LRMDA: variants seen among roughly 807,000 people sequenced by gnomAD.
LRMDA encodes leucine rich melanocyte differentiation associated.
A neutral mutation model predicts 29.8 loss-of-function variants in LRMDA; 18 were observed. The ratio of observed to expected loss-of-function variants is 0.60; its 90% CI spans 0.42 to 0.90. The LOEUF (loss-of-function observed/expected upper bound fraction) is 0.90, where lower values mean the gene tolerates loss of function less well. Among genes scored for constraint, LRMDA ranks in the 40% least tolerant of loss-of-function variants. The pLI, the probability that LRMDA is intolerant of heterozygous loss-of-function variation, is 0.00. For synonymous variants in LRMDA, 125 were observed against 109.4 expected, an observed-to-expected ratio of 1.14 and a Z score of -0.89; for missense variants, 273 against 273.9, an observed-to-expected ratio of 1.00 and a Z score of 0.02.
At chr10:75,975,841 G>A (rs76679078) in intron 2 of LRMDA, among the ~76,000 whole-genome samples, 41 of 152,082 alleles carry the variant, frequency 2.7e-4, no homozygotes, top group East Asian at 2.1e-3. Context: ...CTTCACCACC[G>A]TTTCCAATTC....
chr10:75,709,803 C>T (rs1243934212), intron 2 of LRMDA, among the ~76,000 whole-genome samples: 1 of 152,092 alleles, frequency 6.6e-6, no homozygotes, highest in Non-Finnish European at 1.5e-5. Context: ...TTCTTTTGAA[C>T]CCTGTCTCCT....
At chr10:75,620,553 A>T (rs1360373957) in intron 2 of LRMDA, among the ~76,000 whole-genome samples, 1 of 151,960 alleles carries the variant, frequency 6.6e-6, no homozygotes, top group Non-Finnish European at 1.5e-5. Context: ...ATGCCTTGTG[A>T]TCTCACTCCT....
Position 76,476,161 on chromosome 10 carries a change from A to G in LRMDA, c.602-81048A>G, listed in dbSNP as rs769117341. ...AACTGATAGACCGCTAGCAAGACTA[A>G]TAAAGAATAAAAGAGAGAAGAATCA... On this transcript the variant is annotated intron_variant, in intron 6 of 6. Coordinates refer to ENST00000611255, the MANE Select transcript of LRMDA (RefSeq NM_001305581.2). Among the ~76,000 whole-genome samples the G allele has an allele frequency of 3.3e-5, 5 of 152,314 alleles. No homozygotes were observed. In the East Asian group the frequency reaches 7.7e-4, roughly 24 times the overall value.
intron 2 of LRMDA, among the ~76,000 whole-genome samples, chr10:75,460,204 T>C (rs191051018): frequency 6.6e-6 from 1 of 152,346 alleles, no homozygotes; most frequent in East Asian, 1.9e-4. Context: ...TAAATAATTG[T>C]AAGAAGAAGC....
chr10:76,055,219 T>C (rs1419863487), intron 4 of LRMDA, among the ~76,000 whole-genome samples: 1 of 151,340 alleles, frequency 6.6e-6, no homozygotes, highest in African/African-American at 2.4e-5. Context: ...AAAAGGACAA[T>C]AGACTGAGGC....
intron 6 of LRMDA, among the ~76,000 whole-genome samples, chr10:76,339,280 A>T (rs575366054): frequency 6.6e-6 from 1 of 151,806 alleles, no homozygotes; most frequent in South Asian, 2.1e-4. Context: ...CCAAAAAAAA[A>T]AAAAAAAGTA....
chr10:75,473,304 C>A (rs1241879735), intron 2 of LRMDA, among the ~76,000 whole-genome samples: 1 of 152,190 alleles, frequency 6.6e-6, no homozygotes, highest in Non-Finnish European at 1.5e-5. Context: ...AGGATGAAAG[C>A]TCCAGAGGTG....
At chr10:76,053,636 C>T (rs1249272156) in intron 4 of LRMDA, among the ~76,000 whole-genome samples, 2 of 152,154 alleles carry the variant, frequency 1.3e-5, no homozygotes, top group African/African-American at 2.4e-5. Context: ...AGCCCACTGA[C>T]TTATCACTTG....
chr10:75,587,285 A>T (rs1396932766), intron 2 of LRMDA, among the ~76,000 whole-genome samples: 1 of 152,206 alleles, frequency 6.6e-6, no homozygotes, highest in African/African-American at 2.4e-5. Flanking sequence ...AGTGGGTTGA[A>T]AAGGATATTC....
At chr10:75,751,814 A>T (rs540211208) in intron 2 of LRMDA, among the ~76,000 whole-genome samples, 1 of 152,262 alleles carries the variant, frequency 6.6e-6, no homozygotes, top group Admixed American at 6.5e-5. Flanking sequence ...ACTCACAGAG[A>T]GGTAGTACCT....
At chr10:76,042,386 G>A (rs1848355988) in intron 3 of LRMDA, among the ~76,000 whole-genome samples, 1 of 152,206 alleles carries the variant, frequency 6.6e-6, no homozygotes, top group Non-Finnish European at 1.5e-5. Context: ...GATGGCTGAA[G>A]CTTCTTGGAA....
chr10:76,454,287 G>A (rs762247954), intron 6 of LRMDA, among the ~76,000 whole-genome samples: 7 of 152,090 alleles, frequency 4.6e-5, no homozygotes, highest in Non-Finnish European at 7.3e-5. Context: ...CTCTACTGAC[G>A]TGCTAAATGT....
At chr10:76,479,475 G>T (rs540850956) in intron 6 of LRMDA, among the ~76,000 whole-genome samples, 1 of 151,910 alleles carries the variant, frequency 6.6e-6, no homozygotes, top group South Asian at 2.1e-4. Flanking sequence ...ATTTTGGGGG[G>T]TCCTATGAAG....
intron 6 of LRMDA, among the ~76,000 whole-genome samples, chr10:76,450,262 T>G (rs1305546238): frequency 6.6e-6 from 1 of 152,118 alleles, no homozygotes; most frequent in African/African-American, 2.4e-5. Flanking sequence ...ACAAATCGTT[T>G]CATTGTCTTC....
At chr10:75,684,322 C>G (rs1227575389) in intron 2 of LRMDA, among the ~76,000 whole-genome samples, 1 of 152,108 alleles carries the variant, frequency 6.6e-6, no homozygotes, top group Non-Finnish European at 1.5e-5. Context: ...TTCTGGACAC[C>G]TGCTGTGCGT....
rs74889903 is a variant in LRMDA, at chr10:75,623,199, T to C, written c.131+184705T>C. ...TTTATGCTGGATATAATTACTGTTA[T>C]AATGCATTATTATTTTCAGTCCAGC... On this transcript the variant is annotated intron_variant, in intron 2 of 6. Coordinates refer to ENST00000611255, the MANE Select transcript of LRMDA (RefSeq NM_001305581.2). Among the ~76,000 whole-genome samples, 50 of 152,324 alleles carry C rather than the reference T, an allele frequency of 3.3e-4. No homozygotes were observed. The East Asian group carries it at 4.2e-3, about 13-fold the overall frequency.
At position 75,442,260 on chromosome 10, in the gene LRMDA, C is replaced by CT. The variant is rs150026402; in HGVS notation, c.131+3772dup. Among the ~76,000 whole-genome samples, 751 of 152,272 alleles carry CT rather than the reference C, an allele frequency of 4.9e-3. 10 individuals are homozygous for CT. The highest frequency in any genetic ancestry group is 0.017 in the African/African-American group (719 of 41,564). On this transcript the variant is annotated intron_variant, in intron 2 of 6. Coordinates refer to ENST00000611255, the MANE Select transcript of LRMDA (RefSeq NM_001305581.2). ...CATATCCCTTACTTCACACAGTTCC[C>CT]TTTTTTGTATGAAGAGAACATGAAT...
chr10:75,967,723 G>A (rs1846888936), intron 2 of LRMDA, among the ~76,000 whole-genome samples: 1 of 151,956 alleles, frequency 6.6e-6, no homozygotes, highest in Non-Finnish European at 1.5e-5. Flanking sequence ...ATGGGGCACA[G>A]AACCGGCAAG....
intron 2 of LRMDA, 84 bp downstream of exon 2, chr10:75,438,578 AT>A: frequency 1.0e-6 from 1 of 1,004,236 alleles, no homozygotes; most frequent in Non-Finnish European, 1.5e-6. Flanking sequence ...TAAAAGTCAA[AT>A]GTTCCAACTC....
Sources: allele counts gnomAD v4.1 joint callset (sites outside exome capture counted in the v4.1 genomes callset), GRCh38; gene constraint gnomAD v4.1.1; transcripts MANE v1.5; gene names NCBI Gene and HGNC (gene_info 2026-07-23, HGNC 2026-07-21).